UBE3B: variants seen among roughly 807,000 people sequenced by gnomAD.
UBE3B encodes the protein ubiquitin protein ligase E3B.
Under a neutral mutation model 132.3 loss-of-function variants are expected in UBE3B, and 80 were observed. That is an observed-to-expected ratio of 0.60 (90% CI 0.50 to 0.73). The LOEUF is 0.73. Ranked by LOEUF, UBE3B falls within the 30% of genes least tolerant of loss-of-function variation. UBE3B has a pLI of 0.00. For missense variants in UBE3B, 1,196 were observed against 1,362.5 expected, an observed-to-expected ratio of 0.88 and a Z score of 1.92; for synonymous variants, 487 against 520.4, an observed-to-expected ratio of 0.94 and a Z score of 0.87.
chr12:109,543,371 G>A, the UBE3B span, among the ~76,000 whole-genome samples: 1 of 103,780 alleles, frequency 9.6e-6, no homozygotes, highest in Non-Finnish European at 2.1e-5. Context: ...GGCTCGGCAC[G>A]GGGTCAGCGG....
chr12:109,490,864 C>A, intron 8 of UBE3B, 181 bp from the exon 9 acceptor site: 2 of 1,114,194 alleles, frequency 1.8e-6, no homozygotes, highest in Non-Finnish European at 2.4e-6. Context: ...GTCACCCAGG[C>A]TGGCCTCAAG....
In UBE3B at chr12:109,534,446, G is replaced by T. The variant is rs558132559; in HGVS notation, c.3016-145G>T. On this transcript the variant is annotated intron_variant, in intron 27 of 27. Coordinates refer to ENST00000342494, the MANE Select transcript of UBE3B (RefSeq NM_130466.4). This position sits in a 1 kb window ranked among gnomAD's most constrained non-coding sequence, Gnocchi z 5.2. ...GTCTTGTGTCTGGGGCTTGACCTCG[G>T]GTAGTGGTGCCAGGGCAGCGCCCTG... 1.5e-3 allele frequency: 2,178 copies of T among 1,432,264 alleles called. 10 individuals carry two copies. The highest frequency in any genetic ancestry group is 1.4e-3 in the Non-Finnish European group (1,482 of 1,095,468). 88.7% of individuals were successfully genotyped at this position (1,432,264 alleles called of 1,614,324 possible).
At chr12:109,514,843 C>T (rs1165849777) in intron 18 of UBE3B, among the ~76,000 whole-genome samples, 4 of 152,132 alleles carry the variant, frequency 2.6e-5, no homozygotes, top group African/African-American at 9.7e-5. Context: ...ACGTCTAGAT[C>T]TGTCAACCAG....
In UBE3B at chr12:109,486,088, C is replaced by T. The variant is rs373137217; in HGVS notation, c.342+17C>T. 3.7e-5 allele frequency: 58 copies of T among 1,556,508 alleles called. No homozygotes were observed. Among genetic ancestry groups the T allele is most frequent in the East Asian group, 4.8e-5 (2 of 41,682 alleles). Reference sequence around the variant, plus strand: ...GAGCCTAAGGTAAGTGGACGGGAGCCGCAGTGTCTCCCACAAGCTCTTAAG... The same window carrying T: ...GAGCCTAAGGTAAGTGGACGGGAGCTGCAGTGTCTCCCACAAGCTCTTAAG... On this transcript the variant is annotated intron_variant, in intron 5 of 27. Coordinates refer to ENST00000342494, the MANE Select transcript of UBE3B (RefSeq NM_130466.4).
chr12:109,491,212 A>G (rs981110764), intron 9 of UBE3B, 85 bp downstream of exon 9: 17 of 1,326,508 alleles, frequency 1.3e-5, no homozygotes, highest in Non-Finnish European at 1.8e-5. Context: ...TACTGGTATT[A>G]GGTATAGACT....
intron 12 of UBE3B, among the ~76,000 whole-genome samples, chr12:109,501,024 T>G (rs1383524617): frequency 6.6e-6 from 1 of 152,066 alleles, no homozygotes; most frequent in Non-Finnish European, 1.5e-5. Flanking sequence ...TCATCTAGAT[T>G]TGGCCCCCCA....
At chr12:109,524,289 C>G in intron 22 of UBE3B, 149 bp from the exon 23 acceptor site, 1 of 1,328,840 alleles carries the variant, frequency 7.5e-7, no homozygotes, top group Non-Finnish European at 1.0e-6. Flanking sequence ...AACCTCCTTC[C>G]TCAAAGTCAC....
intron 23 of UBE3B, among the ~76,000 whole-genome samples, chr12:109,524,739 C>A (rs117379832): frequency 2.9e-4 from 44 of 152,178 alleles, no homozygotes; most frequent in Non-Finnish European, 5.4e-4. Context: ...TCTTATATCG[C>A]ATTTTAGGGT....
At chr12:109,483,801 G>A in intron 3 of UBE3B, 60 bp from the exon 4 acceptor site, 2 of 1,591,194 alleles carry the variant, frequency 1.3e-6, no homozygotes, top group Admixed American at 3.6e-5. Context: ...TGCTTGAAAA[G>A]CCTTCCAGGT....
At chr12:109,501,706 C>T (rs1879018112) in intron 13 of UBE3B, among the ~76,000 whole-genome samples, 172 bp downstream of exon 13, 1 of 152,180 alleles carries the variant, frequency 6.6e-6, no homozygotes, top group Non-Finnish European at 1.5e-5. Flanking sequence ...GGCTACAGTG[C>T]AGTGGCATGA....
Position 109,521,333 on chromosome 12 carries a change from G to T in UBE3B, c.2253+9G>T, listed in dbSNP as rs1023282249. ...CACTCAATCTGTTCAAGGTATTTAA[G>T]GGGAGCAACAGCAGGGCTGACAGCA... On this transcript the variant is annotated intron_variant, in intron 20 of 27. Transcript: ENST00000342494. This position sits in a 1 kb window ranked among gnomAD's most constrained non-coding sequence, Gnocchi z 4.2. 8 of 1,611,288 alleles carry T rather than the reference G, an allele frequency of 5.0e-6. No homozygotes were observed. The highest frequency in any genetic ancestry group is 6.8e-6 in the Non-Finnish European group (8 of 1,177,504).
chr12:109,532,787 T>C (rs1011257366), intron 26 of UBE3B, among the ~76,000 whole-genome samples: 1 of 152,212 alleles, frequency 6.6e-6, no homozygotes, highest in African/African-American at 2.4e-5. Context: ...CTCAGCCTGC[T>C]CTGCAGCCTC....
chr12:109,478,502 T>C (rs1229589713), intron 1 of UBE3B, among the ~76,000 whole-genome samples: 1 of 152,190 alleles, frequency 6.6e-6, no homozygotes, highest in African/African-American at 2.4e-5. Flanking sequence ...TTATTGAGGC[T>C]GGCCACGGTG....
At chr12:109,495,686 A>T (rs1383438036) in intron 9 of UBE3B, among the ~76,000 whole-genome samples, 2 of 152,274 alleles carry the variant, frequency 1.3e-5, no homozygotes, top group African/African-American at 4.8e-5. Context: ...AGATTAACTA[A>T]AAGTATTCCT....
At chr12:109,483,243 G>A (rs758352712) in intron 2 of UBE3B, among the ~76,000 whole-genome samples, 5 of 152,072 alleles carry the variant, frequency 3.3e-5, no homozygotes, top group Non-Finnish European at 5.9e-5. Flanking sequence ...TTGTTCATTC[G>A]TAAAGCTGGG....
intron 12 of UBE3B, among the ~76,000 whole-genome samples, chr12:109,500,660 A>T (rs74873251): frequency 0.049 from 7,410 of 152,304 alleles, 221 homozygotes; most frequent in Non-Finnish European, 0.068. Context: ...CTCCGCAGAC[A>T]GCCTGCTCTC....
chr12:109,538,269 G>A (rs1047824345), downstream of UBE3B, among the ~76,000 whole-genome samples: 3 of 152,208 alleles, frequency 2.0e-5, no homozygotes, highest in Admixed American at 1.3e-4. This position sits in a 1 kb window ranked among gnomAD's most constrained non-coding sequence, Gnocchi z 4.1. Flanking sequence ...CAAGCTTGGC[G>A]AGTAAATCCA....
chr12:109,487,985 G>A (rs1295959028), intron 6 of UBE3B, among the ~76,000 whole-genome samples: 1 of 152,190 alleles, frequency 6.6e-6, no homozygotes, highest in Non-Finnish European at 1.5e-5. Context: ...ACAATGAACT[G>A]TCATCAAAAT....
chr12:109,485,898 A>G, intron 4 of UBE3B, 114 bp from the exon 5 acceptor site: 1 of 1,116,434 alleles, frequency 9.0e-7, no homozygotes, highest in Middle Eastern at 2.6e-4. Flanking sequence ...ATTATGTGTG[A>G]ATCACCTGGC....
Sources: allele counts gnomAD v4.1 joint callset (sites outside exome capture counted in the v4.1 genomes callset), GRCh38; gene constraint gnomAD v4.1.1; non-coding constraint Gnocchi (gnomAD v3.1); transcripts MANE v1.5; gene names NCBI Gene and HGNC (gene_info 2026-07-23, HGNC 2026-07-21).